Variants in CHST11 observed in about 807,000 individuals in gnomAD.
CHST11 encodes the protein C4S-1.
CHST11 carries 9 observed loss-of-function variants against 30.4 expected under a neutral mutation model. That is an observed-to-expected ratio of 0.30 (90% CI 0.18 to 0.52). CHST11 has a LOEUF of 0.52. Ranked by LOEUF, CHST11 falls within the 20% of genes least tolerant of loss-of-function variation. The pLI, the probability that CHST11 is intolerant of heterozygous loss-of-function variation, is 0.97. For missense variants in CHST11, 348 were observed against 460.6 expected (o/e 0.76, Z 2.24); for synonymous variants, 152 against 187.8 (o/e 0.81, Z 1.56).
chr12:104,682,103 G>A (rs982364940), intron 2 of CHST11, among the ~76,000 whole-genome samples: 5 of 152,110 alleles, frequency 3.3e-5, no homozygotes, highest in African/African-American at 1.2e-4. Context: ...AAAGTGCTGG[G>A]ATTACAGGCG....
intron 2 of CHST11, among the ~76,000 whole-genome samples, chr12:104,615,297 T>C (rs1339620641): frequency 6.6e-6 from 1 of 152,220 alleles, no homozygotes; most frequent in African/African-American, 2.4e-5. Context: ...GAAATCGCTC[T>C]GGCCATCTGT....
At chr12:104,571,674 C>G (rs1186036229) in intron 1 of CHST11, among the ~76,000 whole-genome samples, 1 of 152,168 alleles carries the variant, frequency 6.6e-6, no homozygotes, top group Non-Finnish European at 1.5e-5. Context: ...CTCCTAACCC[C>G]TGGACCGTAT....
chr12:104,482,985 G>A (rs534954270), intron 1 of CHST11, among the ~76,000 whole-genome samples: 1 of 152,162 alleles, frequency 6.6e-6, no homozygotes, highest in African/African-American at 2.4e-5. Flanking sequence ...TGCTGATTCG[G>A]GTCACCACAG....
At chr12:104,484,013 G>A (rs1436883720) in intron 1 of CHST11, among the ~76,000 whole-genome samples, 1 of 152,290 alleles carries the variant, frequency 6.6e-6, no homozygotes, top group Non-Finnish European at 1.5e-5. Flanking sequence ...TGTCTGCGAA[G>A]GTCTGCTGTT....
chr12:104,540,309 A>G (rs1283991314), intron 1 of CHST11, among the ~76,000 whole-genome samples: 2 of 152,194 alleles, frequency 1.3e-5, no homozygotes, highest in African/African-American at 4.8e-5. Flanking sequence ...TATATTTAAA[A>G]TTTTTAAAAT....
intron 2 of CHST11, among the ~76,000 whole-genome samples, chr12:104,693,643 C>T (rs908845137): frequency 3.3e-5 from 5 of 151,996 alleles, no homozygotes; most frequent in African/African-American, 7.3e-5. Context: ...TTTTAAGGGA[C>T]CATGAGAAGT....
At chr12:104,525,596 A>G (rs561403101) in intron 1 of CHST11, among the ~76,000 whole-genome samples, 4 of 152,350 alleles carry the variant, frequency 2.6e-5, no homozygotes, top group South Asian at 2.1e-4. Context: ...GGGAATAACA[A>G]CAGTATTTAC....
chr12:104,514,912 C>T (rs1199727699), intron 1 of CHST11, among the ~76,000 whole-genome samples: 1 of 152,104 alleles, frequency 6.6e-6, no homozygotes, highest in African/African-American at 2.4e-5. Flanking sequence ...GTTTCCTCAG[C>T]GGTAAACTGG....
At position 104,758,746 on chromosome 12, in the gene CHST11, A is replaced by G. The variant is rs1326855983; in HGVS notation, c.*943A>G. ...CAACAGCAGAAGGTCCATGACCCCT[A>G]CAAATTTACATTTTTCTATGGCCCA... On this transcript the variant is annotated 3_prime_UTR_variant, in exon 3 of 3. Transcript: ENST00000303694. 6.6e-6 allele frequency: 1 copy of G among 152,198 alleles called. No homozygotes were observed. Among genetic ancestry groups the G allele is most frequent in the Non-Finnish European group, 1.5e-5 (1 of 68,024 alleles). The allele number at this position is 152,198 out of a possible 1,614,324, so 9.4% of individuals were successfully genotyped here. A position where few individuals can be genotyped will look rare whatever the true frequency, so the allele number is the denominator to read the frequency against.
intron 2 of CHST11, among the ~76,000 whole-genome samples, chr12:104,647,036 T>G (rs2039439856): frequency 6.6e-6 from 1 of 152,216 alleles, no homozygotes; most frequent in South Asian, 2.1e-4. Context: ...ACATACACTT[T>G]TAATGATGAG....
intron 1 of CHST11, among the ~76,000 whole-genome samples, chr12:104,489,104 T>C (rs1400992201): frequency 6.6e-6 from 1 of 152,162 alleles, no homozygotes; most frequent in African/African-American, 2.4e-5. Flanking sequence ...TGGCATGATC[T>C]TGGCTCACTG....
At chr12:104,525,053 CT>C (rs1175617079) in intron 1 of CHST11, among the ~76,000 whole-genome samples, 1 of 151,230 alleles carries the variant, frequency 6.6e-6, no homozygotes, top group African/African-American at 2.4e-5. Flanking sequence ...AAGATCAAAT[CT>C]TATGACTGTA....
At chr12:104,670,483 A>ACT (rs1161553420) in intron 2 of CHST11, among the ~76,000 whole-genome samples, 2 of 147,294 alleles carry the variant, frequency 1.4e-5, no homozygotes, top group Non-Finnish European at 3.0e-5. Flanking sequence ...ACACACACAC[A>ACT]CACTCACACT....
intron 2 of CHST11, among the ~76,000 whole-genome samples, chr12:104,616,078 A>C (rs914590765): frequency 6.6e-6 from 1 of 152,232 alleles, no homozygotes; most frequent in African/African-American, 2.4e-5. Flanking sequence ...TTACTCAGGC[A>C]CAAAGGCAGA....
intron 1 of CHST11, among the ~76,000 whole-genome samples, chr12:104,459,380 C>T (rs1174377060): frequency 6.6e-6 from 1 of 152,064 alleles, no homozygotes; most frequent in Non-Finnish European, 1.5e-5. Flanking sequence ...AACAAGGGGC[C>T]GGTGATTTGG....
At chr12:104,721,212 T>C in intron 2 of CHST11, among the ~76,000 whole-genome samples, 1 of 152,026 alleles carries the variant, frequency 6.6e-6, no homozygotes, top group Non-Finnish European at 1.5e-5. Context: ...ATTTAAGGAG[T>C]AGGGCTGTGG....
chr12:104,717,532 G>A (rs2040140467), intron 2 of CHST11, among the ~76,000 whole-genome samples: 1 of 152,134 alleles, frequency 6.6e-6, no homozygotes, highest in Non-Finnish European at 1.5e-5. Context: ...CCAGCACTTT[G>A]GGAGGCCGAG....
In CHST11 at chr12:104,521,433, C is replaced by T. The variant is rs546252764; in HGVS notation, c.118+63904C>T. 1.5e-4 allele frequency among the ~76,000 whole-genome samples: 23 copies of T among 152,312 alleles called. No individual in the cohort carries two copies. The East Asian group carries it at 4.4e-3, about 29-fold the overall frequency. On this transcript the variant is annotated intron_variant, in intron 1 of 2. Transcript: ENST00000303694. Reference sequence around the variant, plus strand: ...TGACTGTGGATCTTGGTTTCGTATACTGTCAGAGATGGCAAGGAATTCAAA... The same window carrying T: ...TGACTGTGGATCTTGGTTTCGTATATTGTCAGAGATGGCAAGGAATTCAAA...
At chr12:104,706,542 C>T (rs969054053) in intron 2 of CHST11, among the ~76,000 whole-genome samples, 1 of 151,864 alleles carries the variant, frequency 6.6e-6, no homozygotes, top group Non-Finnish European at 1.5e-5. Context: ...AGAAGCGACC[C>T]CCTGGCAGTG....
Sources: gnomAD v4.1 joint callset for allele counts (sites outside exome capture counted in the v4.1 genomes callset) on GRCh38, gnomAD v4.1.1 for gene constraint, MANE v1.5 for transcripts, NCBI Gene and HGNC (gene_info 2026-07-23, HGNC 2026-07-21) for gene names.